Variants in SEZ6L observed in about 807,000 individuals in gnomAD.
SEZ6L encodes the protein seizure 6-like protein.
In SEZ6L, 37 loss-of-function variants were observed where a neutral mutation model predicts 106.2. The observed-to-expected ratio is 0.35, with a 90% CI of 0.27 to 0.46. The LOEUF (loss-of-function observed/expected upper bound fraction) is 0.46, where lower values mean the gene tolerates loss of function less well. Ranked by LOEUF, SEZ6L falls within the 20% of genes least tolerant of loss-of-function variation. The probability of loss-of-function intolerance (pLI) is 1.00; values close to 1 mark genes in which losing one functional copy is unlikely to be tolerated. For missense variants in SEZ6L, 1,172 were observed against 1,332.8 expected, an observed-to-expected ratio of 0.88 and a Z score of 1.88; for synonymous variants, 541 against 570.4, an observed-to-expected ratio of 0.95 and a Z score of 0.73.
intron 1 of SEZ6L, among the ~76,000 whole-genome samples, chr22:26,243,634 A>G (rs2079214512): frequency 6.6e-6 from 1 of 152,204 alleles, no homozygotes; most frequent in South Asian, 2.1e-4. Flanking sequence ...GAGGGTTTTC[A>G]GCCATGGAGC....
rs532704674 is a variant in SEZ6L at position 26,171,034 on chromosome 22, C to T, written c.94+1271C>T. Among the ~76,000 whole-genome samples the T allele has an allele frequency of 5.9e-5, 9 of 152,330 alleles. No individual in the cohort carries two copies. The South Asian group carries it at 1.9e-3, about 32-fold the overall frequency. ...GGGCCCTGGCTCTGGGTCCCTTTCC[C>T]TTCAACCCTTCCCGGTGGCCTGGAG... On this transcript the variant is annotated intron_variant, in intron 1 of 16. Coordinates refer to ENST00000248933, the MANE Select transcript of SEZ6L (RefSeq NM_021115.5).
chr22:26,259,499 A>G (rs903648248), intron 1 of SEZ6L, among the ~76,000 whole-genome samples: 2 of 152,190 alleles, frequency 1.3e-5, no homozygotes, highest in Admixed American at 6.5e-5. Flanking sequence ...CAAATTCAAC[A>G]TGATCGGTAA....
intron 1 of SEZ6L, among the ~76,000 whole-genome samples, chr22:26,209,591 TAGGAAAAA>T (rs1358864765): frequency 3.8e-5 from 5 of 131,914 alleles, no homozygotes; most frequent in Admixed American, 2.3e-4. Context: ...GGATAGATGG[TAGGAAAAA>T]AGGAAAGAAG....
At chr22:26,200,691 C>G (rs1940882054) in intron 1 of SEZ6L, among the ~76,000 whole-genome samples, 1 of 152,226 alleles carries the variant, frequency 6.6e-6, no homozygotes, top group African/African-American at 2.4e-5. Flanking sequence ...CCTTCTCAGC[C>G]TCCAGCCAGT....
chr22:26,367,416 T>C (rs2083855844), intron 13 of SEZ6L, among the ~76,000 whole-genome samples: 1 of 152,132 alleles, frequency 6.6e-6, no homozygotes, highest in African/African-American at 2.4e-5. Flanking sequence ...TGATCATTAC[T>C]CACTGCAGCC....
intron 1 of SEZ6L, among the ~76,000 whole-genome samples, chr22:26,190,095 TA>T (rs537566967): frequency 0.01 from 1,334 of 129,870 alleles, 8 homozygotes; most frequent in African/African-American, 0.022. Context: ...AGACTGTGTC[TA>T]AAAAAAAAAA....
intron 13 of SEZ6L, among the ~76,000 whole-genome samples, chr22:26,370,455 T>C (rs2083992306): frequency 6.6e-6 from 1 of 152,154 alleles, no homozygotes; most frequent in East Asian, 1.9e-4. Flanking sequence ...GGACAACGTG[T>C]TTGTATCTGC....
rs1556331917 is a variant in SEZ6L at position 26,304,362 on chromosome 22, A to AAGAAAG, written c.1349-1616_1349-1615insGAAAGA. Among the ~76,000 whole-genome samples the AAGAAAG allele has an allele frequency of 1.0e-3, 129 of 127,812 alleles. 1 individual carries two copies. Among genetic ancestry groups the AAGAAAG allele is most frequent in the Middle Eastern group, 3.8e-3 (1 of 262 alleles). The allele number at this position is 127,812 out of a possible 152,430, so 83.8% of individuals were successfully genotyped here. On this transcript the variant is annotated intron_variant, in intron 5 of 16. Coordinates refer to ENST00000248933, the MANE Select transcript of SEZ6L (RefSeq NM_021115.5). The stretch of plus-strand genomic sequence containing the variant: ...GCAAGAGTTTGTCTCAAAAAAAAAA[A>AAGAAAG]AAGAAAGAAGAAAGAAAGAAAGAAA...
chr22:26,189,105 A>C (rs1270026786), intron 1 of SEZ6L, among the ~76,000 whole-genome samples: 3 of 152,162 alleles, frequency 2.0e-5, no homozygotes, highest in African/African-American at 7.2e-5. Flanking sequence ...TGAGTCTGGG[A>C]AGGAACAGAA....
chr22:26,340,690 G>A (rs2082802173), intron 10 of SEZ6L, 58 bp downstream of exon 10: 6 of 1,450,432 alleles, frequency 4.1e-6, no homozygotes, highest in East Asian at 2.3e-5. Flanking sequence ...AGGTTAAGGT[G>A]GTTTCCTCTA....
intron 14 of SEZ6L, among the ~76,000 whole-genome samples, chr22:26,373,786 T>C (rs1029877593): frequency 6.6e-6 from 1 of 152,200 alleles, no homozygotes; most frequent in African/African-American, 2.4e-5. Context: ...GTAAAACTTT[T>C]CATGATGCCA....
intron 1 of SEZ6L, among the ~76,000 whole-genome samples, chr22:26,233,990 G>T (rs1374271934): frequency 6.6e-6 from 1 of 152,226 alleles, no homozygotes; most frequent in African/African-American, 2.4e-5. Context: ...AGGCAGGAGT[G>T]CAGGAAGTGA....
At chr22:26,361,475 C>A (rs2083625634) in intron 12 of SEZ6L, among the ~76,000 whole-genome samples, 1 of 147,522 alleles carries the variant, frequency 6.8e-6, no homozygotes. Context: ...CCACTGCACT[C>A]CATCTTGAGT....
chr22:26,278,187 G>A (rs1020941897), intron 1 of SEZ6L, among the ~76,000 whole-genome samples: 6 of 152,220 alleles, frequency 3.9e-5, no homozygotes, highest in Admixed American at 3.3e-4. Flanking sequence ...TGGCTGCTGC[G>A]GAGGCCAGCA....
rs1044575909 is a variant in SEZ6L, at chr22:26,380,679, A to G, written c.*384A>G. On this transcript the variant is annotated 3_prime_UTR_variant, in exon 17 of 17. Transcript: ENST00000248933. ...ACCATGCCCATGATGTTTTCAGTACAAATCTAAGTCCCAAGATTAGGTTGG... is the reference window on the plus strand; with the variant it reads ...ACCATGCCCATGATGTTTTCAGTACGAATCTAAGTCCCAAGATTAGGTTGG... 3.9e-5 allele frequency: 7 copies of G among 179,612 alleles called. No homozygotes were observed. Among genetic ancestry groups the G allele is most frequent in the African/African-American group, 1.6e-4 (7 of 42,576 alleles). The allele number at this position is 179,612 out of a possible 1,614,324, so 11.1% of individuals were successfully genotyped here.
intron 1 of SEZ6L, among the ~76,000 whole-genome samples, chr22:26,248,217 T>C (rs560947389): frequency 6.6e-6 from 1 of 152,346 alleles, no homozygotes; most frequent in South Asian, 2.1e-4. Context: ...TCAACATCAT[T>C]GTACTACCTC....
chr22:26,252,974 T>C (rs1941120), intron 1 of SEZ6L, among the ~76,000 whole-genome samples: 32,388 of 152,138 alleles, frequency 0.21, 3,696 homozygotes, highest in African/African-American at 0.27. Flanking sequence ...TAGTTCTGCT[T>C]TAAGTTCAAC....
chr22:26,177,459 G>A (rs765854516), intron 1 of SEZ6L, among the ~76,000 whole-genome samples: 1 of 152,176 alleles, frequency 6.6e-6, no homozygotes, highest in Non-Finnish European at 1.5e-5. Flanking sequence ...GGATGCAATT[G>A]TTTGCCCTGT....
At chr22:26,304,111 T>G (rs1601438843) in intron 5 of SEZ6L, among the ~76,000 whole-genome samples, 1 of 152,024 alleles carries the variant, frequency 6.6e-6, no homozygotes, top group East Asian at 1.9e-4. Context: ...CCTTACATTT[T>G]GGGAGGCCAA....
Sources: allele counts gnomAD v4.1 joint callset (sites outside exome capture counted in the v4.1 genomes callset), GRCh38; gene constraint gnomAD v4.1.1; transcripts MANE v1.5; gene names NCBI Gene and HGNC (gene_info 2026-07-23, HGNC 2026-07-21).